MALT1: variants seen among roughly 807,000 people sequenced by gnomAD.
MALT1 encodes the protein MALT1 paracaspase, also known as mucosa-associated lymphoid tissue lymphoma translocation protein 1.
Under a neutral mutation model 85.5 loss-of-function variants are expected in MALT1, and 36 were observed. The ratio of observed to expected loss-of-function variants is 0.42; its 90% CI spans 0.32 to 0.56. The LOEUF (loss-of-function observed/expected upper bound fraction) is 0.56. Ranked by LOEUF, MALT1 falls within the 20% of genes least tolerant of loss-of-function variation. The pLI, the probability that MALT1 is intolerant of heterozygous loss-of-function variation, is 0.10. For missense variants in MALT1, 716 were observed against 981.6 expected, an observed-to-expected ratio of 0.73 and a Z score of 3.62; for synonymous variants, 359 against 361.3, an observed-to-expected ratio of 0.99 and a Z score of 0.07.
At chr18:58,736,730 A>G (rs1158969931) in intron 13 of MALT1, among the ~76,000 whole-genome samples, 1 of 152,200 alleles carries the variant, frequency 6.6e-6, no homozygotes, top group Non-Finnish European at 1.5e-5. Context: ...CAGTCCTACC[A>G]TGTCTGCTTA....
chr18:58,703,437 A>G (rs762287516), intron 4 of MALT1, among the ~76,000 whole-genome samples: 1 of 152,218 alleles, frequency 6.6e-6, no homozygotes. Flanking sequence ...TCACACTGCT[A>G]TAGAGGTACT....
intron 4 of MALT1, among the ~76,000 whole-genome samples, chr18:58,704,607 C>T (rs776969686): frequency 4.6e-5 from 7 of 152,176 alleles, no homozygotes; most frequent in Admixed American, 2.6e-4. Context: ...CACACATGCA[C>T]CACTGCACCT....
rs2054571876 is a variant in MALT1, at chr18:58,695,309, G to A, written c.377-1057G>A. Among the ~76,000 whole-genome samples the A allele has an allele frequency of 2.6e-5, 4 of 152,352 alleles. No homozygotes were observed. In the South Asian group the frequency reaches 8.3e-4, roughly 32 times the overall value. On this transcript the variant is annotated intron_variant, in intron 2 of 16. Coordinates refer to ENST00000649217, the MANE Select transcript of MALT1 (RefSeq NM_006785.4). ...GCTACCTGAATGGCCTCCTGCCACAGTCATGTGCTTCCCTGGGGCGAGTGA... is the reference window on the plus strand; with the variant it reads ...GCTACCTGAATGGCCTCCTGCCACAATCATGTGCTTCCCTGGGGCGAGTGA...
In MALT1 at chr18:58,696,376, T is replaced by G. The variant is rs2054589161; in HGVS notation, c.387T>G (p.Ile129Met). 7.0e-7 allele frequency: 1 copy of G among 1,421,680 alleles called. No homozygotes were observed. The highest frequency in any genetic ancestry group is 2.5e-5 in the Admixed American group (1 of 39,530). The allele number at this position is 1,421,680 out of a possible 1,614,324, so 88.1% of individuals were successfully genotyped here. A position where few individuals can be genotyped will look rare whatever the true frequency, so the allele number is the denominator to read the frequency against. The part of the protein sequence containing the change: ...LQLLSPPGIK[I>M]TVNPESKAVL... ...TTTTTTTTTTTTTAGGAATAAAGAT[T>G]ACTGTAAACCCAGAGTCAAAGGCAG... The change falls in exon 3 of 17, where the codon ATT (isoleucine) becomes ATG (methionine). Residue 129 changes from isoleucine to methionine, a missense_variant. Around this residue, in one of 4 missense-constraint regions of MALT1, gnomAD observed 290 missense variants for 380.5 expected, o/e 0.76. Transcript: ENST00000649217.
intron 16 of MALT1, among the ~76,000 whole-genome samples, 191 bp from the exon 17 acceptor site, chr18:58,747,206 TGCATGAAG>T (rs943703400): frequency 2.6e-5 from 4 of 152,174 alleles, no homozygotes; most frequent in African/African-American, 9.7e-5. Flanking sequence ...TTGTAAGTAT[TGCATGAAG>T]GAAAAGGAAG....
At chr18:58,681,470 C>A in intron 2 of MALT1, 134 bp downstream of exon 2, 1 of 735,970 alleles carries the variant, frequency 1.4e-6, no homozygotes. Flanking sequence ...TTTGCTTTCC[C>A]AGGTTGAAGC....
At chr18:58,719,937 G>A (rs2054960931) in intron 9 of MALT1, among the ~76,000 whole-genome samples, 1 of 152,180 alleles carries the variant, frequency 6.6e-6, no homozygotes, top group South Asian at 2.1e-4. Context: ...TTTTCTAGGT[G>A]CTTCTGAATA....
chr18:58,746,526 CAG>C (rs1185863630), intron 16 of MALT1, among the ~76,000 whole-genome samples: 1 of 152,126 alleles, frequency 6.6e-6, no homozygotes, highest in African/African-American at 2.4e-5. Flanking sequence ...AGCTAAAACT[CAG>C]GGAATGGAAT....
chr18:58,684,862 A>C (rs2054377735), intron 2 of MALT1, among the ~76,000 whole-genome samples: 1 of 152,198 alleles, frequency 6.6e-6, no homozygotes, highest in African/African-American at 2.4e-5. Flanking sequence ...TAAGAAGATA[A>C]GCTCTGATAG....
In MALT1 at chr18:58,687,202, G is replaced by A. The variant is rs575760398; in HGVS notation, c.376+5866G>A. Among the ~76,000 whole-genome samples the A allele has an allele frequency of 4.6e-5, 7 of 152,190 alleles. No homozygotes were observed. In the East Asian group the frequency reaches 1.2e-3, roughly 25 times the overall value. ...ATTATTCCTAAAAGAAAAATATCAA[G>A]AAGTGAAAAGAGAAAAAGATGGTAT... On this transcript the variant is annotated intron_variant, in intron 2 of 16. Coordinates refer to ENST00000649217, the MANE Select transcript of MALT1 (RefSeq NM_006785.4).
chr18:58,720,627 CAAAT>C (rs2054970133), intron 9 of MALT1, among the ~76,000 whole-genome samples: 1 of 152,150 alleles, frequency 6.6e-6, no homozygotes, highest in South Asian at 2.1e-4. Flanking sequence ...TATTCTTTCC[CAAAT>C]AGAGAACAAA....
chr18:58,726,714 A>G (rs138297791), intron 10 of MALT1, among the ~76,000 whole-genome samples: 117 of 152,382 alleles, frequency 7.7e-4, no homozygotes, highest in African/African-American at 2.7e-3. Flanking sequence ...ATTTCTAGTT[A>G]TGTTGTATAG....
chr18:58,700,369 G>C (rs2054654136), intron 3 of MALT1, 72 bp from the exon 4 acceptor site: 1 of 1,210,920 alleles, frequency 8.3e-7, no homozygotes, highest in African/African-American at 1.6e-5. Flanking sequence ...TGAAATCATA[G>C]ATTTTGTACA....
At chr18:58,737,814 C>T (rs2055245468) in intron 13 of MALT1, among the ~76,000 whole-genome samples, 1 of 152,122 alleles carries the variant, frequency 6.6e-6, no homozygotes, top group South Asian at 2.1e-4. Context: ...AACTCCTGGC[C>T]TCAAGTGATC....
rs548308384 is a variant in MALT1 at position 58,724,638 on chromosome 18, A to G, written c.1222+1387A>G. Among the ~76,000 whole-genome samples, 19 of 152,320 alleles carry G rather than the reference A, an allele frequency of 1.2e-4. 1 individual carries two copies. In the East Asian group the frequency reaches 3.7e-3, roughly 29 times the overall value. On this transcript the variant is annotated intron_variant, in intron 10 of 16. Coordinates refer to ENST00000649217, the MANE Select transcript of MALT1 (RefSeq NM_006785.4). ...CTTACGTCATGAGGGGTCGCAGTTA[A>G]AACTTTGTATCATGCACAAAATTAT...
At chr18:58,722,363 G>C (rs1445691764) in intron 9 of MALT1, among the ~76,000 whole-genome samples, 1 of 152,018 alleles carries the variant, frequency 6.6e-6, no homozygotes, top group African/African-American at 2.4e-5. Flanking sequence ...CATTATCTTT[G>C]AGCAAAGTCT....
chr18:58,694,200 A>G (rs1359402086), intron 2 of MALT1, among the ~76,000 whole-genome samples: 1 of 152,242 alleles, frequency 6.6e-6, no homozygotes, highest in African/African-American at 2.4e-5. Context: ...GAGAGGCTCT[A>G]CTATATTTAC....
At chr18:58,730,526 ATT>A (rs1379157672) in intron 10 of MALT1, among the ~76,000 whole-genome samples, 3 of 149,794 alleles carry the variant, frequency 2.0e-5, no homozygotes, top group Admixed American at 2.0e-4. Flanking sequence ...ATATGATTAT[ATT>A]TTGTTTATCC....
intron 1 of MALT1, among the ~76,000 whole-genome samples, chr18:58,680,929 CAAAAAAAAAAAAA>C (rs1165265799): frequency 5.9e-5 from 4 of 67,228 alleles, no homozygotes; most frequent in Admixed American, 4.1e-4. Context: ...GACTCCGTCT[CAAAAAAAAAAAAA>C]AAAAAAAAAA....
Sources: allele counts gnomAD v4.1 joint callset (sites outside exome capture counted in the v4.1 genomes callset), GRCh38; gene constraint gnomAD v4.1.1; regional missense constraint gnomAD v4.1.1; transcripts MANE v1.5; gene names NCBI Gene and HGNC (gene_info 2026-07-23, HGNC 2026-07-21).